The following RBFOX1 variants were observed in gnomAD, a reference collection of about 807,000 sequenced individuals.
RBFOX1 encodes RNA binding fox-1 homolog 1, also known as RNA binding protein fox-1 homolog 1.
A neutral mutation model predicts 57.7 loss-of-function variants in RBFOX1; 8 were observed. That is an observed-to-expected ratio of 0.14 (90% CI 0.08 to 0.25). The LOEUF is 0.25. Ranked by LOEUF, RBFOX1 falls within the 10% of genes least tolerant of loss-of-function variation. The pLI is 1.00. For missense variants in RBFOX1, 611 were observed against 548.5 expected, an observed-to-expected ratio of 1.11 and a Z score of -1.14; for synonymous variants, 326 against 222.4, an observed-to-expected ratio of 1.47 and a Z score of -4.15.
intron 3 of RBFOX1, among the ~76,000 whole-genome samples, chr16:6,842,423 T>A (rs59807806): frequency 6.6e-6 from 1 of 152,094 alleles, no homozygotes; most frequent in Non-Finnish European, 1.5e-5. Context: ...ATTCACTGTT[T>A]GGGCAACTTT....
chr16:5,661,655 C>T (rs751391145), intron 3 of RBFOX1, among the ~76,000 whole-genome samples: 1 of 152,172 alleles, frequency 6.6e-6, no homozygotes, highest in Non-Finnish European at 1.5e-5. Flanking sequence ...CACGTTGGTC[C>T]TCACCCGTAG....
intron 10 of RBFOX1, among the ~76,000 whole-genome samples, chr16:7,628,451 C>G (rs2060421871): frequency 6.6e-6 from 1 of 152,166 alleles, no homozygotes; most frequent in South Asian, 2.1e-4. Context: ...AGGGGACTAA[C>G]TGTCTTTCCT....
At chr16:7,601,270 C>G (rs944040618) in intron 9 of RBFOX1, among the ~76,000 whole-genome samples, 2 of 152,128 alleles carry the variant, frequency 1.3e-5, no homozygotes, top group African/African-American at 4.8e-5. Context: ...CTAGTGGGAA[C>G]TGTACAAATG....
At chr16:7,398,965 C>G (rs1018196007) in intron 4 of RBFOX1, among the ~76,000 whole-genome samples, 1 of 152,134 alleles carries the variant, frequency 6.6e-6, no homozygotes, top group Non-Finnish European at 1.5e-5. Context: ...AATTGGGAGG[C>G]AAAAAGTTTG....
intron 3 of RBFOX1, among the ~76,000 whole-genome samples, chr16:6,957,634 G>A (rs915394452): frequency 4.6e-5 from 7 of 152,000 alleles, no homozygotes; most frequent in African/African-American, 1.4e-4. Flanking sequence ...TTTATGACCC[G>A]TATCTTGTGC....
chr16:7,196,753 A>G (rs2086799720), intron 4 of RBFOX1, among the ~76,000 whole-genome samples: 1 of 152,166 alleles, frequency 6.6e-6, no homozygotes, highest in South Asian at 2.1e-4. Context: ...GTTTGCGGAA[A>G]GAAGGGAAGC....
chr16:5,735,431 A>T (rs9928182), intron 3 of RBFOX1, among the ~76,000 whole-genome samples: 66,542 of 151,676 alleles, frequency 0.44, 14,888 homozygotes, highest in East Asian at 0.73. Flanking sequence ...TAGCGATACA[A>T]CTTTTCTGAA....
intron 3 of RBFOX1, among the ~76,000 whole-genome samples, chr16:5,607,972 A>T (rs1294817431): frequency 6.6e-6 from 1 of 152,164 alleles, no homozygotes; most frequent in East Asian, 1.9e-4. Context: ...GGCTATGTGC[A>T]CTCGTGCACC....
intron 3 of RBFOX1, among the ~76,000 whole-genome samples, chr16:5,722,280 C>T (rs914564255): frequency 6.6e-6 from 1 of 152,196 alleles, no homozygotes; most frequent in African/African-American, 2.4e-5. Context: ...TACAGTGTAT[C>T]TAATCTCTTA....
chr16:5,884,971 C>G (rs775881818), intron 4 of RBFOX1, among the ~76,000 whole-genome samples: 48 of 152,120 alleles, frequency 3.2e-4, no homozygotes, highest in Non-Finnish European at 5.7e-4. Context: ...TAATGTTGGC[C>G]CAGAGGTAGG....
intron 2 of RBFOX1, among the ~76,000 whole-genome samples, chr16:6,629,038 A>G (rs539113107): frequency 2.0e-5 from 3 of 152,338 alleles, no homozygotes; most frequent in East Asian, 3.9e-4. Flanking sequence ...TCAAAAAAGA[A>G]AAAGAATCAG....
intron 7 of RBFOX1, among the ~76,000 whole-genome samples, chr16:7,588,519 G>A (rs936652092): frequency 3.3e-5 from 5 of 152,162 alleles, no homozygotes; most frequent in East Asian, 3.9e-4. Flanking sequence ...TAGCTCTGAC[G>A]GGTCTCCTGG....
intron 3 of RBFOX1, among the ~76,000 whole-genome samples, chr16:6,710,294 A>G (rs2063494522): frequency 6.6e-6 from 1 of 152,212 alleles, no homozygotes; most frequent in African/African-American, 2.4e-5. Flanking sequence ...AAAGCTGCAT[A>G]TGTACTTTTA....
In RBFOX1 at chr16:7,488,752, C is replaced by G. The variant is rs548288459; in HGVS notation, c.28-29395C>G. On this transcript the variant is annotated intron_variant, in intron 4 of 15. Transcript: ENST00000550418. ...TATTATCCACCTATCTACTATCTAC[C>G]TATCACTTTATTTGTATATGTATAC... Among the ~76,000 whole-genome samples, 10 of 148,188 alleles carry G rather than the reference C, an allele frequency of 6.7e-5. No individual in the cohort carries two copies. In the South Asian group the frequency reaches 1.7e-3, roughly 25 times the overall value.
At chr16:6,682,965 T>C (rs1311435342) in intron 3 of RBFOX1, among the ~76,000 whole-genome samples, 2 of 148,930 alleles carry the variant, frequency 1.3e-5, no homozygotes, top group East Asian at 2.0e-4. Context: ...CTCATAGGGG[T>C]TGACAAGCTG....
chr16:7,410,659 A>G (rs2149076281), intron 4 of RBFOX1, among the ~76,000 whole-genome samples: 1 of 151,532 alleles, frequency 6.6e-6, no homozygotes, highest in African/African-American at 2.4e-5. Context: ...CCTGGACAAC[A>G]AGAGCAAAAC....
chr16:6,204,398 C>T (rs907002059), intron 1 of RBFOX1, among the ~76,000 whole-genome samples: 1 of 152,140 alleles, frequency 6.6e-6, no homozygotes, highest in African/African-American at 2.4e-5. Context: ...GGGAATCCAC[C>T]TTTGTTATGT....
At chr16:6,585,386 G>C (rs934435078) in intron 2 of RBFOX1, among the ~76,000 whole-genome samples, 2 of 152,102 alleles carry the variant, frequency 1.3e-5, no homozygotes, top group Non-Finnish European at 2.9e-5. Flanking sequence ...ATCTCTTCTT[G>C]ACTTTTACTT....
intron 3 of RBFOX1, among the ~76,000 whole-genome samples, chr16:6,855,090 G>C (rs986954487): frequency 1.3e-5 from 2 of 152,084 alleles, no homozygotes; most frequent in Non-Finnish European, 1.5e-5. Context: ...CCCAACAGAA[G>C]AGAAGGATGC....
Sources: allele counts gnomAD v4.1 joint callset (sites outside exome capture counted in the v4.1 genomes callset), GRCh38; gene constraint gnomAD v4.1.1; transcripts MANE v1.5; gene names NCBI Gene and HGNC (gene_info 2026-07-23, HGNC 2026-07-21).